The following USH1C variants were observed in gnomAD, a reference collection of about 807,000 sequenced individuals.
USH1C encodes the protein USH1 protein network component harmonin, also known as harmonin.
Under a neutral mutation model 119.3 loss-of-function variants are expected in USH1C, and 90 were observed. The ratio of observed to expected loss-of-function variants is 0.75; its 90% CI spans 0.64 to 0.90. USH1C has a LOEUF of 0.90. Ranked by LOEUF, USH1C falls within the 40% of genes least tolerant of loss-of-function variation. USH1C has a pLI of 0.00. For missense variants in USH1C, 1,165 were observed against 1,167.7 expected (o/e 1.00, Z 0.03); for synonymous variants, 465 against 443.3 (o/e 1.05, Z -0.62).
In USH1C at chr11:17,522,857, C is replaced by G. The variant is rs35336155; in HGVS notation, c.946G>C (p.Glu316Gln). The G allele has an allele frequency of 6.7e-4, 1,077 of 1,613,086 alleles. 10 individuals carry two copies. The African/African-American group carries it at 0.012, about 18-fold the overall frequency. The change falls in exon 12 of 27, where the codon GAG becomes CAG. Residue 316 changes from glutamate (E) to glutamine (Q), a missense_variant. Physicochemically the swap from Glu to Gln is conservative, Grantham distance 29 (BLOSUM62 2). Coordinates refer to ENST00000005226, the MANE Select transcript of USH1C (RefSeq NM_153676.4). ...GCCAGCCGCTTCTGCATGAGAAGCTCCTGCCGCTGCAGCTCACGCTGCCGC... is the reference window on the plus strand; with the variant it reads ...GCCAGCCGCTTCTGCATGAGAAGCTGCTGCCGCTGCAGCTCACGCTGCCGC... ...EARQRELQRQ[E>Q]LLMQKRLAME... is the part of the protein sequence containing the mutation.
chr11:17,514,761 G>C (rs931190887), intron 15 of USH1C: 2 of 151,654 alleles, frequency 1.3e-5, no homozygotes, highest in Admixed American at 1.3e-4. Flanking sequence ...GAGGCAGATG[G>C]GGCGATTGTG....
intron 14 of USH1C, 94 bp downstream of exon 14, chr11:17,520,776 A>G (rs959473625): frequency 6.8e-7 from 1 of 1,462,498 alleles, no homozygotes; most frequent in East Asian, 2.3e-5. Flanking sequence ...CAGAGCACCA[A>G]GGGCTATCCA....
At chr11:17,529,804 A>G (rs1850876776) in intron 4 of USH1C, among the ~76,000 whole-genome samples, 1 of 152,250 alleles carries the variant, frequency 6.6e-6, no homozygotes, top group Non-Finnish European at 1.5e-5. Context: ...CCGATAATTC[A>G]TAAGCCTGAG....
intron 1 of USH1C, among the ~76,000 whole-genome samples, chr11:17,534,179 C>T (rs1851131161): frequency 1.3e-5 from 2 of 152,266 alleles, no homozygotes; most frequent in Admixed American, 6.5e-5. Flanking sequence ...CTCTCTCCTC[C>T]AGCCTCCCGG....
At chr11:17,502,792 G>C (rs920305654) in intron 20 of USH1C, among the ~76,000 whole-genome samples, 9 of 152,194 alleles carry the variant, frequency 5.9e-5, no homozygotes, top group African/African-American at 2.2e-4. Context: ...CACAGTGAGT[G>C]GGAGCCAGGG....
intron 20 of USH1C, 67 bp downstream of exon 20, chr11:17,504,580 G>A (rs1849571803): frequency 6.4e-7 from 1 of 1,551,676 alleles, no homozygotes; most frequent in Admixed American, 1.7e-5. Flanking sequence ...AGAGAAAGAA[G>A]TGGCACAGAG....
At chr11:17,526,935 T>G (rs1850707563) in intron 6 of USH1C, 81 bp downstream of exon 6, 3 of 1,568,904 alleles carry the variant, frequency 1.9e-6, no homozygotes, top group Non-Finnish European at 2.6e-6. Context: ...AGGGCTGGCA[T>G]GGTGGGAGCC....
chr11:17,493,938 G>A lies in USH1C; in HGVS notation c.*394C>T. 3.2e-6 allele frequency: 1 copy of A among 312,602 alleles called. No homozygotes were observed. The highest frequency in any genetic ancestry group is 6.2e-6 in the Non-Finnish European group (1 of 160,758). The allele number at this position is 312,602 out of a possible 1,614,324, so 19.4% of individuals were successfully genotyped here. ...TATTTTATTAATGAGCTCAGAGTAA[G>A]GTTTGGAGTGACAATCCTGGCAGCA... On this transcript the variant is annotated 3_prime_UTR_variant, in exon 27 of 27. Coordinates refer to ENST00000005226, the MANE Select transcript of USH1C (RefSeq NM_153676.4).
chr11:17,514,455 G>C (rs182937439), intron 15 of USH1C: 1 of 152,206 alleles, frequency 6.6e-6, no homozygotes, highest in Admixed American at 6.5e-5. Flanking sequence ...CCAACCTCAC[G>C]TGATTCGCCT....
At chr11:17,539,116 C>A (rs1851346334) in intron 1 of USH1C, among the ~76,000 whole-genome samples, 1 of 152,164 alleles carries the variant, frequency 6.6e-6, no homozygotes, top group African/African-American at 2.4e-5. Context: ...TGGACTCCTC[C>A]TCTATCTTTA....
Position 17,531,008 on chromosome 11 carries a change from C to T in USH1C, c.387+146G>A. The T allele has an allele frequency of 7.9e-7, 1 of 1,259,342 alleles. No homozygotes were observed. The highest frequency in any genetic ancestry group is 1.1e-6 in the Non-Finnish European group (1 of 899,580). 78.0% of individuals were successfully genotyped at this position (1,259,342 alleles called of 1,614,324 possible). On this transcript the variant is annotated intron_variant, in intron 4 of 26. Transcript: ENST00000005226. This position sits in a 1 kb window ranked among gnomAD's most constrained non-coding sequence, Gnocchi z 4.2. ...CCTGATTTCTATGAGCCTAAGAACA[C>T]CCATCAGGATGCGCCAGCCTCTTCT...
chr11:17,527,401 A>G, intron 4 of USH1C, 70 bp from the exon 5 acceptor site: 1 of 1,222,650 alleles, frequency 8.2e-7, no homozygotes, highest in Non-Finnish European at 1.2e-6. Flanking sequence ...ACTCACCACC[A>G]GATGCTCCCG....
At position 17,512,569 on chromosome 11, in the gene USH1C, T is replaced by C. The variant is rs148988036; in HGVS notation, c.1261-515A>G. On this transcript the variant is annotated intron_variant, in intron 15 of 26. Transcript: ENST00000005226. Reference sequence around the variant, plus strand: ...GATTCAGAGATGCATCCTGGGAGATTCCAGAGAAAATCTGGGAGGGCTGGC... The same window carrying C: ...GATTCAGAGATGCATCCTGGGAGATCCCAGAGAAAATCTGGGAGGGCTGGC... Among the ~76,000 whole-genome samples the C allele has an allele frequency of 3.2e-3, 495 of 152,324 alleles. 13 individuals are homozygous for C. The highest frequency in any genetic ancestry group is 0.028 in the Admixed American group (425 of 15,292).
In USH1C at chr11:17,527,023, C is replaced by A. The variant is rs748703138; in HGVS notation, c.514G>T (p.Val172Leu). Reference sequence around the variant, plus strand: ...AGAGGAGGGGCCTCTCACCTTTTCACGGGGATCAGGCCGATGTCTGCGGGA... The same window carrying A: ...AGAGGAGGGGCCTCTCACCTTTTCAAGGGGATCAGGCCGATGTCTGCGGGA... ...IKVRHIGLIP[V>L]KSSPDEPLTW... Residue 172 changes from valine to leucine, a missense_variant, in exon 6 of 27, where the codon GTG becomes TTG. Transcript: ENST00000005226. 6.4e-7 allele frequency: 1 copy of A among 1,560,980 alleles called. No homozygotes were observed. Among genetic ancestry groups the A allele is most frequent in the Non-Finnish European group, 8.7e-7 (1 of 1,151,660 alleles).
At chr11:17,495,470 C>T in intron 26 of USH1C, 99 bp downstream of exon 26, 1 of 1,261,880 alleles carries the variant, frequency 7.9e-7, no homozygotes, top group Non-Finnish European at 1.2e-6. Context: ...GTGTACCCTC[C>T]AGACGCCAGT....
chr11:17,494,099 A>T lies in USH1C; in HGVS notation c.*233T>A. The T allele has an allele frequency of 1.7e-6, 1 of 578,972 alleles. No homozygotes were observed. Among genetic ancestry groups the T allele is most frequent in the Admixed American group, 2.8e-5 (1 of 35,308 alleles). The allele number at this position is 578,972 out of a possible 1,614,324, so 35.9% of individuals were successfully genotyped here. A position where few individuals can be genotyped will look rare whatever the true frequency, so the allele number is the denominator to read the frequency against. ...CCAGAGGAAAGGAATGAGAGTCTGG[A>T]TCCTTGAGATCTTCTCCCAAATGGC... On this transcript the variant is annotated 3_prime_UTR_variant, in exon 27 of 27. Transcript: ENST00000005226.
intron 14 of USH1C, among the ~76,000 whole-genome samples, chr11:17,518,300 T>C (rs983546059): frequency 2.0e-5 from 3 of 152,180 alleles, no homozygotes. Context: ...AATAGTTCGG[T>C]AGGAAAATAA....
At chr11:17,532,069 A>T (rs1431629831) in intron 2 of USH1C, among the ~76,000 whole-genome samples, 1 of 152,180 alleles carries the variant, frequency 6.6e-6, no homozygotes, top group Non-Finnish European at 1.5e-5. Flanking sequence ...TACTGCCCAG[A>T]GGACAAAGTC....
At chr11:17,519,180 C>T (rs1458594893) in intron 14 of USH1C, among the ~76,000 whole-genome samples, 2 of 152,182 alleles carry the variant, frequency 1.3e-5, no homozygotes, top group East Asian at 1.9e-4. Context: ...TGCTAGACCC[C>T]GGGGAACAGG....
Sources: gnomAD v4.1 joint callset for allele counts (sites outside exome capture counted in the v4.1 genomes callset) on GRCh38, gnomAD v4.1.1 for gene constraint, Gnocchi (gnomAD v3.1) non-coding constraint, MANE v1.5 for transcripts, NCBI Gene and HGNC (gene_info 2026-07-23, HGNC 2026-07-21) for gene names.